The following ARHGEF4 variants were observed in gnomAD, a reference collection of about 807,000 sequenced individuals.
ARHGEF4 encodes Rho guanine nucleotide exchange factor 4.
A neutral mutation model predicts 162.0 loss-of-function variants in ARHGEF4; 119 were observed. The ratio of observed to expected loss-of-function variants is 0.73; its 90% confidence interval spans 0.63 to 0.86. ARHGEF4 has a LOEUF of 0.86. Among genes scored for constraint, ARHGEF4 ranks in the 40% least tolerant of loss-of-function variants. ARHGEF4 has a pLI of 0.00. For missense variants in ARHGEF4, 2,488 were observed against 2,456.0 expected (o/e 1.01, Z -0.28); for synonymous variants, 1,014 against 979.9 (o/e 1.03, Z -0.65).
At chr2:130,867,774 G>T (rs1682386996) in intron 1 of ARHGEF4, among the ~76,000 whole-genome samples, 1 of 152,102 alleles carries the variant, frequency 6.6e-6, no homozygotes, top group Non-Finnish European at 1.5e-5. Flanking sequence ...GATAAGATGA[G>T]GAACTTGCCT....
chr2:130,943,840 A>G (rs1683447927), intron 3 of ARHGEF4, among the ~76,000 whole-genome samples: 1 of 152,200 alleles, frequency 6.6e-6, no homozygotes, highest in African/African-American at 2.4e-5. Flanking sequence ...ACTTAAGAGG[A>G]GAAAAATGGT....
At chr2:131,020,950 C>T (rs1689085930) in intron 4 of ARHGEF4, among the ~76,000 whole-genome samples, 1 of 152,186 alleles carries the variant, frequency 6.6e-6, no homozygotes, top group Non-Finnish European at 1.5e-5. Context: ...TGATGATGAG[C>T]ATTTTTTCAT....
chr2:131,035,520 C>A, intron 5 of ARHGEF4: 1 of 453,208 alleles, frequency 2.2e-6, no homozygotes, highest in Non-Finnish European at 3.1e-6. Context: ...CAAAATGGCG[C>A]GTCTCTGCGA....
Position 131,021,850 on chromosome 2 carries a change from A to C in ARHGEF4, c.3986-6095A>C, listed in dbSNP as rs571366630. Among the ~76,000 whole-genome samples, 6 of 152,238 alleles carry C rather than the reference A, an allele frequency of 3.9e-5. No individual in the cohort carries two copies. In the East Asian group the frequency reaches 1.2e-3, roughly 29 times the overall value. On this transcript the variant is annotated intron_variant, in intron 4 of 13. Coordinates refer to ENST00000409359, the MANE Select transcript of ARHGEF4 (RefSeq NM_001367493.1). ...ATTGAGGACTTTTCCTTCTATTTCT[A>C]GTTTATTGAATGTTTTATCGTAAAA... is the stretch of plus-strand genomic sequence containing the variant.
chr2:130,867,886 G>A (rs956015653), intron 1 of ARHGEF4, among the ~76,000 whole-genome samples: 2 of 151,556 alleles, frequency 1.3e-5, no homozygotes, highest in Non-Finnish European at 2.9e-5. Context: ...TGGCTTCAAC[G>A]CTGCGTGTGG....
At chr2:130,867,444 G>T (rs1436303167) in intron 1 of ARHGEF4, among the ~76,000 whole-genome samples, 1 of 151,824 alleles carries the variant, frequency 6.6e-6, no homozygotes, top group Admixed American at 6.6e-5. Context: ...CACCATGTTG[G>T]CCAGGCTGGT....
intron 4 of ARHGEF4, among the ~76,000 whole-genome samples, chr2:130,989,502 A>T (rs2105277604): frequency 6.6e-6 from 1 of 152,328 alleles, no homozygotes; most frequent in East Asian, 1.9e-4. Context: ...CAATAGAAGC[A>T]TTTCATATTT....
At chr2:131,002,396 T>C (rs1486194029) in intron 4 of ARHGEF4, among the ~76,000 whole-genome samples, 1 of 151,746 alleles carries the variant, frequency 6.6e-6, no homozygotes, top group East Asian at 1.9e-4. Context: ...GCTAACACGG[T>C]GAAACCCCAT....
intron 1 of ARHGEF4, among the ~76,000 whole-genome samples, chr2:130,890,368 C>A (rs1384520495): frequency 6.6e-6 from 1 of 152,186 alleles, no homozygotes; most frequent in East Asian, 1.9e-4. Context: ...TCAAGACCAG[C>A]CTGACCAACA....
chr2:131,006,439 A>G lies in ARHGEF4; in HGVS notation c.3986-21506A>G, dbSNP rs567656972. On this transcript the variant is annotated intron_variant, in intron 4 of 13. Transcript: ENST00000409359. Reference sequence around the variant, plus strand: ...ATGCATCCCTGCCCGTGGGAGTCACATGGCCCAGGGCCTTAGCAGCGGCCC... The same window carrying G: ...ATGCATCCCTGCCCGTGGGAGTCACGTGGCCCAGGGCCTTAGCAGCGGCCC... Among the ~76,000 whole-genome samples the G allele has an allele frequency of 3.9e-5, 6 of 152,350 alleles. No homozygotes were observed. The East Asian group carries it at 9.6e-4, about 24-fold the overall frequency.
intron 1 of ARHGEF4, among the ~76,000 whole-genome samples, chr2:130,842,910 G>A (rs1680703878): frequency 6.6e-6 from 1 of 152,172 alleles, no homozygotes; most frequent in African/African-American, 2.4e-5. Context: ...CTTGTGCAGG[G>A]ATGAAGGGGG....
At chr2:130,980,819 T>A (rs1686069671) in intron 4 of ARHGEF4, among the ~76,000 whole-genome samples, 1 of 152,250 alleles carries the variant, frequency 6.6e-6, no homozygotes, top group Admixed American at 6.5e-5. Flanking sequence ...AATGTCACTT[T>A]AAATTAGTTT....
intron 5 of ARHGEF4, chr2:131,035,601 G>T: frequency 1.1e-6 from 1 of 950,840 alleles, no homozygotes; most frequent in Non-Finnish European, 1.3e-6. Context: ...TGTGACCGCT[G>T]GGTGAGCGAC....
intron 4 of ARHGEF4, among the ~76,000 whole-genome samples, chr2:130,953,793 C>T (rs1376304076): frequency 2.0e-5 from 3 of 152,152 alleles, no homozygotes; most frequent in Non-Finnish European, 4.4e-5. Flanking sequence ...CCAACAGACA[C>T]ATGAAAAAAT....
At chr2:130,959,758 G>C (rs1411286780) in intron 4 of ARHGEF4, among the ~76,000 whole-genome samples, 2 of 152,216 alleles carry the variant, frequency 1.3e-5, no homozygotes, top group Non-Finnish European at 2.9e-5. Context: ...CAACTAGGAA[G>C]AGACAGAACT....
chr2:131,042,770 C>A (rs931374215), intron 10 of ARHGEF4, among the ~76,000 whole-genome samples: 8 of 152,202 alleles, frequency 5.3e-5, no homozygotes, highest in African/African-American at 1.9e-4. Context: ...CAGGCCACCG[C>A]CAACCACTCC....
At chr2:131,035,399 G>C (rs2105389177) in intron 5 of ARHGEF4, 3 of 844,150 alleles carry the variant, frequency 3.6e-6, no homozygotes, top group Non-Finnish European at 4.6e-6. Flanking sequence ...GGCCTGGTCC[G>C]GGGGTGTCGC....
intron 1 of ARHGEF4, among the ~76,000 whole-genome samples, chr2:130,886,528 A>T (rs2104975063): frequency 6.6e-6 from 1 of 151,834 alleles, no homozygotes; most frequent in African/African-American, 2.4e-5. Context: ...AAATACAAAA[A>T]AAATTAGCCA....
At chr2:131,007,799 T>TC (rs1168581812) in intron 4 of ARHGEF4, among the ~76,000 whole-genome samples, 2 of 141,568 alleles carry the variant, frequency 1.4e-5, no homozygotes, top group Non-Finnish European at 3.1e-5. Context: ...TCTTTTCTTT[T>TC]CTTTTTTTTT....
Sources: allele counts gnomAD v4.1 joint callset (sites outside exome capture counted in the v4.1 genomes callset), GRCh38; gene constraint gnomAD v4.1.1; transcripts MANE v1.5; gene names NCBI Gene and HGNC (gene_info 2026-07-23, HGNC 2026-07-21).